Variants in CADPS observed in about 807,000 individuals in gnomAD.
CADPS encodes calcium-dependent secretion activator 1.
CADPS carries 57 observed loss-of-function variants against 167.3 expected under a neutral mutation model. That is an observed-to-expected ratio of 0.34 (90% confidence interval 0.28 to 0.42). CADPS has a LOEUF of 0.42. Among genes scored for constraint, CADPS ranks in the 20% least tolerant of loss-of-function variants. The pLI, the probability that CADPS is intolerant of heterozygous loss-of-function variation, is 1.00. For missense variants in CADPS, 1,414 were observed against 1,738.1 expected, an observed-to-expected ratio of 0.81 and a Z score of 3.32; for synonymous variants, 676 against 635.3, an observed-to-expected ratio of 1.06 and a Z score of -0.96.
At chr3:62,564,875 G>A (rs1457826911) in intron 9 of CADPS, among the ~76,000 whole-genome samples, 1 of 152,142 alleles carries the variant, frequency 6.6e-6, no homozygotes, top group African/African-American at 2.4e-5. Flanking sequence ...AAGGGGCTGG[G>A]ATTACAGGCA....
chr3:62,647,249 A>C (rs2068798809), intron 5 of CADPS, among the ~76,000 whole-genome samples: 1 of 152,232 alleles, frequency 6.6e-6, no homozygotes, highest in South Asian at 2.1e-4. Context: ...TCCTTAGTGG[A>C]TCAGATTCAA....
chr3:62,601,483 A>G lies in CADPS; in HGVS notation c.1326-8735T>C, dbSNP rs1486520798. On this transcript the variant is annotated intron_variant, in intron 6 of 29. Coordinates refer to ENST00000383710, the MANE Select transcript of CADPS (RefSeq NM_003716.4). The surrounding 1 kb of genome is among the most constrained non-coding windows in gnomAD (Gnocchi z 4.3). Reference sequence around the variant, plus strand: ...TTATTTTCATTAGCAGATTAGCAGAATGCTCATCTGGGCATACCCACAAAG... The same window carrying G: ...TTATTTTCATTAGCAGATTAGCAGAGTGCTCATCTGGGCATACCCACAAAG... 6.6e-6 allele frequency among the ~76,000 whole-genome samples: 1 copy of G among 152,182 alleles called. No homozygotes were observed. Among genetic ancestry groups the G allele is most frequent in the Non-Finnish European group, 1.5e-5 (1 of 68,048 alleles).
At chr3:62,735,470 A>G (rs1269507792) in intron 3 of CADPS, among the ~76,000 whole-genome samples, 1 of 152,148 alleles carries the variant, frequency 6.6e-6, no homozygotes, top group African/African-American at 2.4e-5. Flanking sequence ...TATTGATACT[A>G]TATTAGGTAT....
rs962390802 is a variant in CADPS at position 62,707,803 on chromosome 3, G to T, written c.889-45409C>A. The stretch of plus-strand genomic sequence containing the variant: ...TATGTTACTAAAATTAATTTTACCT[G>T]CTTATTTTTTTCTCTAATGGAGCTA... On this transcript the variant is annotated intron_variant, in intron 3 of 29. Coordinates refer to ENST00000383710, the MANE Select transcript of CADPS (RefSeq NM_003716.4). Among the ~76,000 whole-genome samples the T allele has an allele frequency of 5.9e-5, 9 of 152,028 alleles. 1 individual carries two copies. Among genetic ancestry groups the T allele is most frequent in the African/African-American group, 2.2e-4 (9 of 41,352 alleles).
chr3:62,874,000 G>A (rs760255746), intron 1 of CADPS, among the ~76,000 whole-genome samples: 61 of 152,330 alleles, frequency 4.0e-4, no homozygotes, highest in Non-Finnish European at 6.8e-4. Context: ...GGAGAGGAGG[G>A]TGCCCTTCGC....
intron 29 of CADPS, 70 bp downstream of exon 29, chr3:62,403,010 CT>C (rs1431400781): frequency 5.2e-6 from 5 of 968,948 alleles, no homozygotes; most frequent in Non-Finnish European, 6.4e-6. Flanking sequence ...GTTAAGCAAG[CT>C]TTGCAGCTTG....
At chr3:62,693,420 A>C (rs2079587993) in intron 3 of CADPS, among the ~76,000 whole-genome samples, 1 of 152,116 alleles carries the variant, frequency 6.6e-6, no homozygotes. Context: ...AGCCAGACAC[A>C]GAGCAGGTTC....
chr3:62,487,300 C>G (rs2062980900), intron 21 of CADPS, among the ~76,000 whole-genome samples: 1 of 152,212 alleles, frequency 6.6e-6, no homozygotes, highest in Admixed American at 6.6e-5. Context: ...ATATTGAAGG[C>G]CACCATGGCT....
chr3:62,549,968 T>C lies in CADPS; in HGVS notation c.1901A>G (p.Gln634Arg). The C allele has an allele frequency of 6.2e-7, 1 of 1,614,110 alleles. No individual in the cohort carries two copies. The highest frequency in any genetic ancestry group is 8.5e-7 in the Non-Finnish European group (1 of 1,179,966). ...TCCCTTGGCGTTGAGTTTCTGGACT[T>C]GGGTCGGGGGCACAGGCTTGTGTGA... is the stretch of plus-strand genomic sequence containing the variant. ...GQSHKPVPPT[Q>R]VQKLNAKGGN... The change falls in exon 11 of 30, where the codon CAA (glutamine) becomes CGA (arginine). Residue 634 changes from glutamine (Q) to arginine (R), a missense_variant. Gln to Arg is a conservative substitution (Grantham distance 43). Around this residue, in one of 6 missense-constraint regions of CADPS, gnomAD observed 529 missense variants for 629.6 expected, o/e 0.84. Transcript: ENST00000383710.
chr3:62,738,915 G>A (rs574769438), intron 3 of CADPS, among the ~76,000 whole-genome samples: 52 of 152,052 alleles, frequency 3.4e-4, no homozygotes, highest in Non-Finnish European at 6.3e-4. Context: ...GGCATATATT[G>A]GCTTTAAACA....
At chr3:62,680,618 A>G (rs2077011289) in intron 3 of CADPS, among the ~76,000 whole-genome samples, 1 of 152,064 alleles carries the variant, frequency 6.6e-6, no homozygotes, top group South Asian at 2.1e-4. Flanking sequence ...CTGCTGTGAT[A>G]GTGGCTCAAC....
chr3:62,688,656 C>T (rs2078535490), intron 3 of CADPS, among the ~76,000 whole-genome samples: 1 of 152,104 alleles, frequency 6.6e-6, no homozygotes, highest in African/African-American at 2.4e-5. Context: ...TCTTTAAATA[C>T]CTTCCTGTCC....
intron 6 of CADPS, among the ~76,000 whole-genome samples, chr3:62,635,177 T>C (rs921433832): frequency 1.3e-5 from 2 of 152,176 alleles, no homozygotes; most frequent in African/African-American, 4.8e-5. Context: ...CCCGCTACAT[T>C]TGGCTCAACA....
intron 1 of CADPS, among the ~76,000 whole-genome samples, chr3:62,783,464 A>T (rs2092009913): frequency 6.6e-6 from 1 of 152,106 alleles, no homozygotes; most frequent in African/African-American, 2.4e-5. Context: ...TCCAGGTCTG[A>T]TGTGTTAGCG....
At chr3:62,669,901 A>G (rs1363624543) in intron 3 of CADPS, among the ~76,000 whole-genome samples, 1 of 152,210 alleles carries the variant, frequency 6.6e-6, no homozygotes, top group Non-Finnish European at 1.5e-5. Context: ...ATTCTGCAGC[A>G]CTTAAAGTAG....
At chr3:62,828,476 T>C (rs766482344) in intron 1 of CADPS, among the ~76,000 whole-genome samples, 103 of 152,292 alleles carry the variant, frequency 6.8e-4, no homozygotes, top group Admixed American at 1.2e-3. Context: ...TAATAGCTTT[T>C]GCCATAACGG....
chr3:62,491,618 G>T, intron 20 of CADPS, 138 bp from the exon 21 acceptor site: 1 of 694,092 alleles, frequency 1.4e-6, no homozygotes, highest in Non-Finnish European at 2.2e-6. Context: ...TAAATATACT[G>T]CTTCTAAGGA....
intron 13 of CADPS, among the ~76,000 whole-genome samples, chr3:62,522,337 T>C (rs1385573785): frequency 1.3e-5 from 2 of 152,078 alleles, no homozygotes; most frequent in Non-Finnish European, 2.9e-5. Flanking sequence ...CAAGGTCTCA[T>C]TATGTTGCCC....
At chr3:62,873,113 T>C (rs1309182785) in intron 1 of CADPS, among the ~76,000 whole-genome samples, 1 of 152,262 alleles carries the variant, frequency 6.6e-6, no homozygotes, top group Non-Finnish European at 1.5e-5. Flanking sequence ...GAGAGTCTTG[T>C]GTGTAACCCA....
Sources: gnomAD v4.1 joint callset for allele counts (sites outside exome capture counted in the v4.1 genomes callset) on GRCh38, gnomAD v4.1.1 for gene constraint, gnomAD v4.1.1 regional missense constraint, Gnocchi (gnomAD v3.1) non-coding constraint, MANE v1.5 for transcripts, NCBI Gene and HGNC (gene_info 2026-07-23, HGNC 2026-07-21) for gene names.